The following GLIPR1L1 variants were observed in gnomAD, a reference collection of about 807,000 sequenced individuals.
GLIPR1L1 encodes the protein GLIPR1 like 1, also known as GLIPR1-like protein 1.
A neutral mutation model predicts 29.9 loss-of-function variants in GLIPR1L1; 26 were observed. That is an observed-to-expected ratio of 0.87 (90% CI 0.64 to 1.21). The LOEUF is 1.21. Among genes scored for constraint, GLIPR1L1 ranks in the 50% most tolerant of loss-of-function variants. GLIPR1L1 has a pLI of 0.00. For missense variants in GLIPR1L1, 305 were observed against 290.3 expected (o/e 1.05, Z -0.37); for synonymous variants, 77 against 97.5 (o/e 0.79, Z 1.24).
At chr12:75,341,215 C>T (rs1374600124) in intron 1 of GLIPR1L1, among the ~76,000 whole-genome samples, 1 of 152,120 alleles carries the variant, frequency 6.6e-6, no homozygotes, top group African/African-American at 2.4e-5. Flanking sequence ...TTTAGTGACT[C>T]TATACATGTT....
Position 75,370,250 on chromosome 12 carries a change from T to C in GLIPR1L1, c.*74T>C. 1 of 779,532 alleles carries C rather than the reference T, an allele frequency of 1.3e-6. No individual in the cohort carries two copies. Among genetic ancestry groups the C allele is most frequent in the Non-Finnish European group, 2.2e-6 (1 of 462,794 alleles). The allele number at this position is 779,532 out of a possible 1,614,324, so 48.3% of individuals were successfully genotyped here. On this transcript the variant is annotated 3_prime_UTR_variant, in exon 6 of 6. Transcript: ENST00000378695. ...GTTTATTGCTTAATATAACTTATCA[T>C]CACTTTGCTTCTTTACTGAATCTTC...
In GLIPR1L1 at chr12:75,359,575, CA is replaced by C. The variant is rs1236032827; in HGVS notation, c.522-3523del. On this transcript the variant is annotated intron_variant, in intron 3 of 5. Transcript: ENST00000378695. ...TTTCAAGTGCTAATAATATGGTTTT[CA>C]AAAGTTATTAAAACTGTAAAATATT... Among the ~76,000 whole-genome samples the C allele has an allele frequency of 6.6e-5, 10 of 151,664 alleles. No homozygotes were observed. The East Asian group carries it at 1.6e-3, about 24-fold the overall frequency.
intron 4 of GLIPR1L1, chr12:75,367,104 C>T (rs1593853735): frequency 1.3e-5 from 9 of 688,524 alleles, no homozygotes; most frequent in East Asian, 2.7e-5. Context: ...GGGGAGAAAA[C>T]GTAATGGAGA....
intron 1 of GLIPR1L1, 130 bp downstream of exon 1, chr12:75,335,032 A>T (rs2041627846): frequency 1.2e-6 from 1 of 825,036 alleles, no homozygotes; most frequent in Admixed American, 3.0e-5. Flanking sequence ...AAAGAAAAAA[A>T]TTCACACCTT....
At chr12:75,340,845 C>T (rs1320202905) in intron 1 of GLIPR1L1, among the ~76,000 whole-genome samples, 1 of 151,340 alleles carries the variant, frequency 6.6e-6, no homozygotes, top group Non-Finnish European at 1.5e-5. Flanking sequence ...CATCATTAGC[C>T]ATTAGTGAAA....
intron 1 of GLIPR1L1, among the ~76,000 whole-genome samples, chr12:75,341,571 G>A (rs1030548380): frequency 2.0e-5 from 3 of 151,352 alleles, no homozygotes; most frequent in Non-Finnish European, 2.9e-5. Context: ...CTCAGCCTCC[G>A]GAGTAACTGA....
At position 75,345,928 on chromosome 12, in the gene GLIPR1L1, T is replaced by G. The variant is rs183211868; in HGVS notation, c.421-1694T>G. ...TTTATTGGCTAGTTTACACACAAGGTTAAGTAATTAGGAATGGTTATATTC... is the reference window on the plus strand; with the variant it reads ...TTTATTGGCTAGTTTACACACAAGGGTAAGTAATTAGGAATGGTTATATTC... On this transcript the variant is annotated intron_variant, in intron 2 of 5. Coordinates refer to ENST00000378695, the MANE Select transcript of GLIPR1L1 (RefSeq NM_001304964.2). Among the ~76,000 whole-genome samples, 512 of 152,290 alleles carry G rather than the reference T, an allele frequency of 3.4e-3. 1 individual carries two copies. Among genetic ancestry groups the G allele is most frequent in the Non-Finnish European group, 4.2e-3 (283 of 68,012 alleles).
At chr12:75,337,403 G>C (rs1171702010) in intron 1 of GLIPR1L1, among the ~76,000 whole-genome samples, 3 of 151,644 alleles carry the variant, frequency 2.0e-5, no homozygotes, top group Non-Finnish European at 3.0e-5. Flanking sequence ...TTTTAGGAAT[G>C]GAAAATCACT....
intron 1 of GLIPR1L1, 143 bp downstream of exon 1, chr12:75,335,045 T>C: frequency 2.8e-6 from 2 of 718,170 alleles, no homozygotes; most frequent in Non-Finnish European, 4.6e-6. Flanking sequence ...CACACCTTGG[T>C]TGGGCTGTCT....
intron 1 of GLIPR1L1, 80 bp downstream of exon 1, chr12:75,334,982 T>C (rs1400625496): frequency 1.5e-6 from 2 of 1,348,222 alleles, no homozygotes; most frequent in Admixed American, 4.3e-5. Context: ...CGGACTTAAC[T>C]TGTACTAATT....
In GLIPR1L1 at chr12:75,334,700, GGCATCCTCC is replaced by G; in HGVS notation, c.-19_-11del. 6.2e-7 allele frequency: 1 copy of G among 1,600,450 alleles called. No homozygotes were observed. Among genetic ancestry groups the G allele is most frequent in the Middle Eastern group, 1.7e-4 (1 of 5,982 alleles). The stretch of plus-strand genomic sequence containing the variant: ...AGCCGTTACTGGTCCGCGCAGTCAG[GGCATCCTCC>G]GCATCCTCCACATCCTTCCATGGCT... On this transcript the variant is annotated 5_prime_UTR_variant, in exon 1 of 6. Coordinates refer to ENST00000378695, the MANE Select transcript of GLIPR1L1 (RefSeq NM_001304964.2).
chr12:75,369,521 G>A (rs1295967094), intron 4 of GLIPR1L1: 1 of 979,222 alleles, frequency 1.0e-6, no homozygotes, highest in East Asian at 1.1e-4. Context: ...ATGGTAAACT[G>A]GGGAGGAAAG....
intron 4 of GLIPR1L1, among the ~76,000 whole-genome samples, chr12:75,368,371 C>T (rs1377674444): frequency 2.0e-5 from 3 of 150,082 alleles, no homozygotes; most frequent in African/African-American, 7.3e-5. Context: ...ACAATTTTTT[C>T]CTGCATCTCT....
rs1038206832 is a variant in GLIPR1L1 at position 75,340,836 on chromosome 12, A to G, written c.175-2857A>G. On this transcript the variant is annotated intron_variant, in intron 1 of 5. Transcript: ENST00000378695. ...ATAAGCACATGAAAACATGCTAAACATCATTAGCCATTAGTGAAATGCAAA... is the reference window on the plus strand; with the variant it reads ...ATAAGCACATGAAAACATGCTAAACGTCATTAGCCATTAGTGAAATGCAAA... Among the ~76,000 whole-genome samples, 16 of 152,110 alleles carry G rather than the reference A, an allele frequency of 1.1e-4. 1 individual carries two copies. Among genetic ancestry groups the G allele is most frequent in the East Asian group, 1.9e-4 (1 of 5,206 alleles).
intron 4 of GLIPR1L1, chr12:75,369,437 T>C (rs2139690694): frequency 2.6e-6 from 2 of 769,534 alleles, no homozygotes; most frequent in East Asian, 1.3e-4. Flanking sequence ...GAATACGTAG[T>C]AGAAGGTCAA....
intron 2 of GLIPR1L1, among the ~76,000 whole-genome samples, chr12:75,344,339 A>G (rs2042311898): frequency 6.6e-6 from 1 of 152,026 alleles, no homozygotes; most frequent in African/African-American, 2.4e-5. Flanking sequence ...TCTCTCTGTG[A>G]TTAATTTCAA....
chr12:75,348,703 G>A (rs1443165938), intron 3 of GLIPR1L1, among the ~76,000 whole-genome samples: 3 of 152,104 alleles, frequency 2.0e-5, no homozygotes, highest in Non-Finnish European at 4.4e-5. Context: ...GATTTCTTAT[G>A]GGTCTTGTGA....
chr12:75,340,758 T>G (rs543705418), intron 1 of GLIPR1L1, among the ~76,000 whole-genome samples: 1 of 149,102 alleles, frequency 6.7e-6, no homozygotes, highest in Admixed American at 6.6e-5. Flanking sequence ...AAAAATTCAA[T>G]TAGAAAATGA....
intron 3 of GLIPR1L1, among the ~76,000 whole-genome samples, chr12:75,353,167 C>A (rs1232338135): frequency 9.9e-5 from 15 of 151,858 alleles, no homozygotes; most frequent in East Asian, 9.7e-4. Flanking sequence ...AAAGGTGATA[C>A]AAACAAGAAA....
Sources: gnomAD v4.1 joint callset for allele counts (sites outside exome capture counted in the v4.1 genomes callset) on GRCh38, gnomAD v4.1.1 for gene constraint, MANE v1.5 for transcripts, NCBI Gene and HGNC (gene_info 2026-07-23, HGNC 2026-07-21) for gene names.